Variants in SPHKAP observed in about 807,000 individuals in gnomAD.
SPHKAP encodes A-kinase anchor protein SPHKAP.
A neutral mutation model predicts 137.5 loss-of-function variants in SPHKAP; 67 were observed. The ratio of observed to expected loss-of-function variants is 0.49; its 90% CI spans 0.40 to 0.60. The LOEUF (loss-of-function observed/expected upper bound fraction) is 0.60. Among genes scored for constraint, SPHKAP ranks in the 20% least tolerant of loss-of-function variants. The probability of loss-of-function intolerance (pLI) is 0.00; values close to 1 mark genes in which losing one functional copy is unlikely to be tolerated. For synonymous variants in SPHKAP, 813 were observed against 785.3 expected (o/e 1.04, Z -0.59); for missense variants, 2,097 against 2,069.3 (o/e 1.01, Z -0.26).
At position 228,034,930 on chromosome 2, in the gene SPHKAP, G is replaced by A. The variant is rs536826606; in HGVS notation, c.247-7387C>T. On this transcript the variant is annotated intron_variant, in intron 3 of 11. Transcript: ENST00000392056. Reference sequence around the variant, plus strand: ...CAAACCCACAGCCAATATCATTCCGGATGGGCAAAAACTGGAAGCATTCCC... The same window carrying A: ...CAAACCCACAGCCAATATCATTCCGAATGGGCAAAAACTGGAAGCATTCCC... Among the ~76,000 whole-genome samples the A allele has an allele frequency of 9.2e-3, 1,392 of 151,086 alleles. 12 individuals are homozygous for A. Among genetic ancestry groups the A allele is most frequent in the African/African-American group, 0.022 (914 of 40,926 alleles).
chr2:228,067,178 A>G (rs1037721538), intron 3 of SPHKAP, among the ~76,000 whole-genome samples: 7 of 152,360 alleles, frequency 4.6e-5, no homozygotes, highest in African/African-American at 1.7e-4. Context: ...AGAAGTGAAA[A>G]GAACTGAGAA....
chr2:228,017,131 G>A lies in SPHKAP; in HGVS notation c.3723C>T (p.Asp1241=), dbSNP rs1175619621. 1.2e-6 allele frequency: 2 copies of A among 1,614,066 alleles called. No homozygotes were observed. Among genetic ancestry groups the A allele is most frequent in the African/African-American group, 1.3e-5 (1 of 75,048 alleles). The change falls in exon 7 of 12, where the codon GAC becomes GAT. Residue 1241 remains aspartate (D), a synonymous_variant. Transcript: ENST00000392056. ...TCAGCCTGGAGCATGGGGATCTGCT[G>A]TCTGGCATGGACGACTGTCTGTGGC... is the stretch of plus-strand genomic sequence containing the variant. ...PVCHRQSSMP[D]SRSPCSRLTV... is the part of the protein sequence containing the mutation.
At chr2:228,117,665 G>A (rs1698754959) in intron 2 of SPHKAP, among the ~76,000 whole-genome samples, 2 of 151,974 alleles carry the variant, frequency 1.3e-5, no homozygotes, top group Admixed American at 6.6e-5. Flanking sequence ...CTTTTTATGT[G>A]TAAAGTTCTA....
At chr2:228,066,783 A>C (rs572900978) in intron 3 of SPHKAP, among the ~76,000 whole-genome samples, 1 of 152,330 alleles carries the variant, frequency 6.6e-6, no homozygotes, top group African/African-American at 2.4e-5. Context: ...TTCCATGATA[A>C]ATTTTCATTA....
chr2:228,125,809 G>T (rs1305626093), intron 2 of SPHKAP, among the ~76,000 whole-genome samples: 1 of 152,096 alleles, frequency 6.6e-6, no homozygotes, highest in Non-Finnish European at 1.5e-5. Context: ...GGGCATGGTG[G>T]TTCATGCCTG....
chr2:228,093,875 A>AAAAC (rs1289624677), intron 3 of SPHKAP, among the ~76,000 whole-genome samples: 29 of 150,604 alleles, frequency 1.9e-4, no homozygotes, highest in Non-Finnish European at 3.5e-4. Flanking sequence ...AAAAAAAAAA[A>AAAAC]AAAAAAAAAA....
intron 3 of SPHKAP, among the ~76,000 whole-genome samples, chr2:228,051,870 C>A (rs2106273959): frequency 6.6e-6 from 1 of 152,278 alleles, no homozygotes; most frequent in Non-Finnish European, 1.5e-5. Context: ...TAGCAGCTCC[C>A]TTAGGCCTCT....
Position 227,981,658 on chromosome 2 carries a change from A to G in SPHKAP, c.*59T>C. ...AGAATGTTTAGAGCATTTAGAACAA[A>G]CCACTGTAATCTAAGTTGGAATAAA... On this transcript the variant is annotated 3_prime_UTR_variant, in exon 12 of 12. Coordinates refer to ENST00000392056, the MANE Select transcript of SPHKAP (RefSeq NM_001142644.2). The G allele has an allele frequency of 1.3e-6, 2 of 1,559,570 alleles. No homozygotes were observed. Among genetic ancestry groups the G allele is most frequent in the Non-Finnish European group, 8.6e-7 (1 of 1,156,560 alleles).
rs577687143 is a variant in SPHKAP at position 228,109,046 on chromosome 2, C to A, written c.139-107G>T. On this transcript the variant is annotated intron_variant, in intron 2 of 11. Coordinates refer to ENST00000392056, the MANE Select transcript of SPHKAP (RefSeq NM_001142644.2). ...TTATAAAAAAACCTGTAGGTGTTTT[C>A]TTTTCCTCAGAGCTTCTGGGTGTTA... 381 of 724,964 alleles carry A rather than the reference C, an allele frequency of 5.3e-4. 1 individual carries two copies. The highest frequency in any genetic ancestry group is 7.3e-4 in the Non-Finnish European group (354 of 482,306). The allele number at this position is 724,964 out of a possible 1,614,324, so 44.9% of individuals were successfully genotyped here.
At chr2:228,002,031 C>A (rs557104015) in intron 7 of SPHKAP, among the ~76,000 whole-genome samples, 1 of 152,108 alleles carries the variant, frequency 6.6e-6, no homozygotes, top group African/African-American at 2.4e-5. Flanking sequence ...AATAAACATA[C>A]GTGTGCATGT....
chr2:227,984,231 C>T (rs904406874), intron 11 of SPHKAP, among the ~76,000 whole-genome samples: 2 of 144,274 alleles, frequency 1.4e-5, no homozygotes, highest in African/African-American at 5.2e-5. Flanking sequence ...ACCTAGGAGG[C>T]GGAAGTTGCA....
In SPHKAP at chr2:228,108,915, C is replaced by G. The variant is rs1451827721; in HGVS notation, c.163G>C (p.Glu55Gln). 1.6e-5 allele frequency: 25 copies of G among 1,605,362 alleles called. No homozygotes were observed. Among genetic ancestry groups the G allele is most frequent in the Non-Finnish European group, 2.0e-5 (24 of 1,177,830 alleles). ...KKVLRSNSLLESTDYWLQNQR... is the reference protein window; with the variant it reads ...KKVLRSNSLLQSTDYWLQNQR... ...TTCTGCAACCAGTAGTCTGTTGACT[C>G]CAGCAGGCTATTGCTGCGAAGAACC... The change falls in exon 3 of 12, where the codon GAG (glutamate) becomes CAG (glutamine). Residue 55 changes from glutamate to glutamine, a missense_variant. Glu to Gln is a conservative substitution (Grantham distance 29). Transcript: ENST00000392056.
chr2:228,036,756 C>T (rs1475341568), intron 3 of SPHKAP, among the ~76,000 whole-genome samples: 1 of 151,978 alleles, frequency 6.6e-6, no homozygotes, highest in Non-Finnish European at 1.5e-5. Context: ...AGCTGGAAAC[C>T]ATCATTTTCC....
chr2:228,163,135 A>G (rs1700324546), intron 1 of SPHKAP, among the ~76,000 whole-genome samples: 1 of 152,222 alleles, frequency 6.6e-6, no homozygotes, highest in Admixed American at 6.5e-5. Flanking sequence ...TAAAGTGAGC[A>G]GAAAGCAATT....
At chr2:228,102,721 TA>T (rs1698216150) in intron 3 of SPHKAP, among the ~76,000 whole-genome samples, 3 of 152,016 alleles carry the variant, frequency 2.0e-5, no homozygotes. Context: ...AGTTGTTTAC[TA>T]AAAAAGTTCC....
At chr2:228,092,150 CATAT>C (rs1245709573) in intron 3 of SPHKAP, among the ~76,000 whole-genome samples, 1 of 117,556 alleles carries the variant, frequency 8.5e-6, no homozygotes, top group Non-Finnish European at 1.8e-5. Flanking sequence ...CACATATATA[CATAT>C]ACATATATGT....
At chr2:227,991,774 C>T in intron 9 of SPHKAP, 1 of 653,918 alleles carries the variant, frequency 1.5e-6, no homozygotes, top group Non-Finnish European at 1.9e-6. Flanking sequence ...ACAATAGCAA[C>T]ATAGCTTTTA....
intron 3 of SPHKAP, among the ~76,000 whole-genome samples, chr2:228,040,827 A>C (rs747532461): frequency 1.3e-5 from 2 of 152,220 alleles, no homozygotes; most frequent in Non-Finnish European, 2.9e-5. Flanking sequence ...TTTCATTTGA[A>C]TCGAGGATAC....
chr2:228,089,035 T>A (rs1288623006), intron 3 of SPHKAP, among the ~76,000 whole-genome samples: 1 of 152,090 alleles, frequency 6.6e-6, no homozygotes, highest in Non-Finnish European at 1.5e-5. Context: ...AACTGGGTAA[T>A]GGGAACAGGT....
Sources: gnomAD v4.1 joint callset for allele counts (sites outside exome capture counted in the v4.1 genomes callset) on GRCh38, gnomAD v4.1.1 for gene constraint, MANE v1.5 for transcripts, NCBI Gene and HGNC (gene_info 2026-07-23, HGNC 2026-07-21) for gene names.